CDIN1: variants seen among roughly 807,000 people sequenced by gnomAD.
CDIN1 encodes the protein CDAN1 interacting nuclease 1.
Under a neutral mutation model 45.3 loss-of-function variants are expected in CDIN1, and 33 were observed. The observed-to-expected ratio is 0.73, with a 90% CI of 0.55 to 0.97. The LOEUF (loss-of-function observed/expected upper bound fraction) is 0.97, where lower values mean the gene tolerates loss of function less well. Among genes scored for constraint, CDIN1 ranks in the 50% least tolerant of loss-of-function variants. The probability of loss-of-function intolerance (pLI) is 0.00; values close to 1 mark genes in which losing one functional copy is unlikely to be tolerated. For synonymous variants in CDIN1, 118 were observed against 124.4 expected, an observed-to-expected ratio of 0.95 and a Z score of 0.34; for missense variants, 303 against 339.4, an observed-to-expected ratio of 0.89 and a Z score of 0.84.
chr15:36,749,590 T>G (rs536362783), intron 10 of CDIN1, among the ~76,000 whole-genome samples: 21 of 152,358 alleles, frequency 1.4e-4, no homozygotes, highest in South Asian at 1.2e-3. Flanking sequence ...CAGCTGGCTG[T>G]CTGCCGCTAG....
intron 4 of CDIN1, among the ~76,000 whole-genome samples, chr15:36,654,850 A>G (rs1463350498): frequency 1.3e-5 from 2 of 152,244 alleles, no homozygotes; most frequent in African/African-American, 4.8e-5. Flanking sequence ...AAAAAAATAA[A>G]ATATTTAATT....
chr15:36,681,376 T>C (rs1478491999), intron 5 of CDIN1, among the ~76,000 whole-genome samples: 1 of 152,056 alleles, frequency 6.6e-6, no homozygotes, highest in African/African-American at 2.4e-5. Flanking sequence ...ATCCTTAATA[T>C]GACACAAGGA....
At chr15:36,614,240 C>A (rs1595745349) in intron 1 of CDIN1, 9 of 617,058 alleles carry the variant, frequency 1.5e-5, no homozygotes, top group South Asian at 1.2e-4. Context: ...CTCCCTCTGA[C>A]CCTGACTCCA....
chr15:36,780,620 A>C (rs565911024), intron 10 of CDIN1, among the ~76,000 whole-genome samples: 1 of 152,338 alleles, frequency 6.6e-6, no homozygotes, highest in Admixed American at 6.5e-5. Flanking sequence ...CATTTACTAA[A>C]ACAAAAAGCA....
intron 1 of CDIN1, among the ~76,000 whole-genome samples, chr15:36,599,281 T>A (rs756732663): frequency 3.9e-5 from 6 of 152,214 alleles, no homozygotes; most frequent in Non-Finnish European, 7.3e-5. Flanking sequence ...AGTCTACTGT[T>A]CTACTTAACA....
chr15:36,755,946 C>T, intron 10 of CDIN1: 1 of 407,592 alleles, frequency 2.5e-6, no homozygotes, highest in Middle Eastern at 3.6e-4. Flanking sequence ...AAAACAGGTT[C>T]ATTCCCTGGT....
At chr15:36,742,953 C>T (rs140857234) in intron 10 of CDIN1, among the ~76,000 whole-genome samples, 137 of 152,244 alleles carry the variant, frequency 9.0e-4, no homozygotes, top group African/African-American at 3.2e-3. Flanking sequence ...TGGGAAGACC[C>T]ATGAGTTGAG....
At chr15:36,634,291 G>C (rs745711078) in intron 1 of CDIN1, among the ~76,000 whole-genome samples, 40 of 146,952 alleles carry the variant, frequency 2.7e-4, no homozygotes, top group Non-Finnish European at 4.8e-4. Flanking sequence ...TTAGTCAGGC[G>C]TGGTGGTGCA....
chr15:36,800,909 G>GTATACATATATATATA (rs2055016395), intron 10 of CDIN1, among the ~76,000 whole-genome samples: 1 of 22,374 alleles, frequency 4.5e-5, no homozygotes, highest in Admixed American at 9.5e-4. Context: ...GTGTGTGTGT[G>GTATACATATATATATA]TATATATATA....
chr15:36,726,690 C>G (rs570420572), intron 10 of CDIN1, among the ~76,000 whole-genome samples: 3 of 152,310 alleles, frequency 2.0e-5, no homozygotes, highest in South Asian at 4.1e-4. Context: ...TAACCATTCT[C>G]CATCTAACAT....
chr15:36,580,566 C>A (rs142494170), intron 1 of CDIN1, among the ~76,000 whole-genome samples: 96 of 152,296 alleles, frequency 6.3e-4, no homozygotes, highest in African/African-American at 2.2e-3. Flanking sequence ...TACACACATT[C>A]CGGGTGTATT....
chr15:36,740,265 A>G (rs111546241), intron 10 of CDIN1, among the ~76,000 whole-genome samples: 5,553 of 152,228 alleles, frequency 0.036, 355 homozygotes, highest in African/African-American at 0.13. Flanking sequence ...TGTGTGGACG[A>G]TAATCACATC....
At chr15:36,622,204 A>G (rs2039227583) in intron 1 of CDIN1, among the ~76,000 whole-genome samples, 1 of 152,206 alleles carries the variant, frequency 6.6e-6, no homozygotes, top group Non-Finnish European at 1.5e-5. Flanking sequence ...CTTTAATGGT[A>G]AAAGTTTATA....
intron 8 of CDIN1, among the ~76,000 whole-genome samples, chr15:36,699,697 T>G (rs1463113739): frequency 3.9e-5 from 6 of 152,208 alleles, no homozygotes; most frequent in Non-Finnish European, 8.8e-5. Context: ...AATGCATATT[T>G]TATCTTTACT....
chr15:36,681,250 C>G (rs1555393705), intron 5 of CDIN1, among the ~76,000 whole-genome samples: 1 of 151,930 alleles, frequency 6.6e-6, no homozygotes, highest in Non-Finnish European at 1.5e-5. Context: ...AATGAAATAA[C>G]AGTCATTGAG....
Position 36,764,224 on chromosome 15 carries a change from T to C in CDIN1, c.717-44100T>C, listed in dbSNP as rs933576473. Among the ~76,000 whole-genome samples the C allele has an allele frequency of 4.0e-5, 6 of 151,382 alleles. 1 individual carries two copies. The highest frequency in any genetic ancestry group is 1.2e-4 in the African/African-American group (5 of 41,384). ...CTTTCTGTGGTTTTGGTTTTTTTTT[T>C]TTTTTTTTTGTCATTGTGAAATCTG... On this transcript the variant is annotated intron_variant, in intron 10 of 10. Coordinates refer to ENST00000566621, the MANE Select transcript of CDIN1 (RefSeq NM_001321759.2).
chr15:36,776,403 C>T (rs1262837091), intron 10 of CDIN1, among the ~76,000 whole-genome samples: 1 of 152,186 alleles, frequency 6.6e-6, no homozygotes, highest in Non-Finnish European at 1.5e-5. Flanking sequence ...TCACTGAGCA[C>T]CTACCGTGTT....
intron 10 of CDIN1, among the ~76,000 whole-genome samples, chr15:36,711,067 A>G (rs1008754783): frequency 2.0e-5 from 3 of 152,200 alleles, no homozygotes; most frequent in Non-Finnish European, 4.4e-5. Context: ...TTTAGAAATC[A>G]ATGCTGTTTC....
chr15:36,715,224 CAG>C (rs1429889640), intron 10 of CDIN1, among the ~76,000 whole-genome samples: 15 of 152,264 alleles, frequency 9.9e-5, no homozygotes, highest in Non-Finnish European at 2.9e-5. Flanking sequence ...CCTTTGGCTC[CAG>C]AGAGTCTACT....
Sources: allele counts gnomAD v4.1 joint callset (sites outside exome capture counted in the v4.1 genomes callset), GRCh38; gene constraint gnomAD v4.1.1; transcripts MANE v1.5; gene names NCBI Gene and HGNC (gene_info 2026-07-23, HGNC 2026-07-21).